The following VPS13C variants were observed in gnomAD, a reference collection of about 807,000 sequenced individuals.
The protein encoded by VPS13C is intermembrane lipid transfer protein VPS13C.
VPS13C carries 358 observed loss-of-function variants against 456.8 expected under a neutral mutation model. That is an observed-to-expected ratio of 0.78 (90% CI 0.72 to 0.86). The LOEUF is 0.86. Ranked by LOEUF, VPS13C falls within the 40% of genes least tolerant of loss-of-function variation. The pLI is 0.00. For synonymous variants in VPS13C, 1,578 were observed against 1,486.7 expected (o/e 1.06, Z -1.41); for missense variants, 4,818 against 4,385.4 (o/e 1.10, Z -2.79).
chr15:61,988,845 C>T (rs2046138403), intron 18 of VPS13C, among the ~76,000 whole-genome samples: 1 of 152,074 alleles, frequency 6.6e-6, no homozygotes, highest in African/African-American at 2.4e-5. Context: ...TGTAAGGAGA[C>T]AGCTATATGG....
intron 22 of VPS13C, among the ~76,000 whole-genome samples, chr15:61,980,044 T>G (rs1413432971): frequency 1.3e-5 from 2 of 150,832 alleles, no homozygotes; most frequent in Non-Finnish European, 3.0e-5. Context: ...ATTATCCAGG[T>G]GTGGGGGTGC....
chr15:61,992,708 A>C (rs1247890732), intron 16 of VPS13C, among the ~76,000 whole-genome samples: 4 of 152,122 alleles, frequency 2.6e-5, no homozygotes, highest in Admixed American at 1.3e-4. Context: ...GATGAAAGTA[A>C]ATGACAAATC....
intron 1 of VPS13C, among the ~76,000 whole-genome samples, chr15:62,048,806 T>G (rs2140763583): frequency 6.6e-6 from 1 of 152,330 alleles, no homozygotes; most frequent in East Asian, 1.9e-4. Context: ...CTAACTGGTG[T>G]GAGATGGTAT....
intron 62 of VPS13C, among the ~76,000 whole-genome samples, chr15:61,913,077 T>C (rs1841462061): frequency 6.6e-6 from 1 of 150,706 alleles, no homozygotes; most frequent in African/African-American, 2.4e-5. Context: ...TTTTACACTG[T>C]TGGTGGGACT....
At chr15:61,899,744 C>T (rs990630811) in intron 66 of VPS13C, among the ~76,000 whole-genome samples, 4 of 151,560 alleles carry the variant, frequency 2.6e-5, no homozygotes, top group Non-Finnish European at 4.4e-5. Context: ...AAGAGGGAAT[C>T]CTCCCTAACT....
intron 3 of VPS13C, among the ~76,000 whole-genome samples, chr15:62,039,503 A>C (rs1171813886): frequency 1.3e-5 from 2 of 152,064 alleles, no homozygotes; most frequent in Admixed American, 6.6e-5. Context: ...AACTCAAACA[A>C]CTCTATAGGA....
chr15:61,869,301 A>G (rs1399659174), intron 80 of VPS13C, among the ~76,000 whole-genome samples, 199 bp downstream of exon 80: 1 of 152,062 alleles, frequency 6.6e-6, no homozygotes, highest in Admixed American at 6.6e-5. Flanking sequence ...TATTTTTAGT[A>G]GAGATGGGGT....
At chr15:61,914,904 A>AAAAC (rs2043418909) in intron 61 of VPS13C, among the ~76,000 whole-genome samples, 2 of 146,648 alleles carry the variant, frequency 1.4e-5, no homozygotes, top group African/African-American at 2.5e-5. Flanking sequence ...AAAAAAAAAA[A>AAAAC]AAAAACCTTT....
At chr15:61,982,196 T>G (rs183016829) in intron 21 of VPS13C, among the ~76,000 whole-genome samples, 1 of 152,352 alleles carries the variant, frequency 6.6e-6, no homozygotes, top group Admixed American at 6.5e-5. Flanking sequence ...GAGGGTTGTT[T>G]TCCATCTCAA....
At chr15:61,956,118 A>G (rs1413314656) in intron 37 of VPS13C, among the ~76,000 whole-genome samples, 3 of 152,202 alleles carry the variant, frequency 2.0e-5, no homozygotes, top group Non-Finnish European at 4.4e-5. Context: ...AATGTGGTAC[A>G]TATACACCAT....
rs1032077628 is a variant in VPS13C, at chr15:61,874,737, G to A, written c.10414+139C>T. 1.2e-5 allele frequency: 8 copies of A among 684,758 alleles called. No homozygotes were observed. In the Admixed American group the frequency reaches 1.4e-4, roughly 12 times the overall value. The allele number at this position is 684,758 out of a possible 1,614,324, so 42.4% of individuals were successfully genotyped here. A position where few individuals can be genotyped will look rare whatever the true frequency, so the allele number is the denominator to read the frequency against. ...ACTGTTATTTTTCATTTAAAAACATGGGAAACATGTCTTTTAAAAGGGATT... is the reference window on the plus strand; with the variant it reads ...ACTGTTATTTTTCATTTAAAAACATAGGAAACATGTCTTTTAAAAGGGATT... On this transcript the variant is annotated intron_variant, in intron 77 of 84. Coordinates refer to ENST00000644861, the MANE Select transcript of VPS13C (RefSeq NM_020821.3).
At chr15:62,013,912 A>G in intron 10 of VPS13C, 21 bp downstream of exon 10, 1 of 1,576,910 alleles carries the variant, frequency 6.3e-7, no homozygotes. Context: ...ACTAACAAAA[A>G]TTTTTATTCC....
Position 61,961,861 on chromosome 15 carries a change from C to T in VPS13C, c.3636G>A (p.Glu1212=), listed in dbSNP as rs2045219610. The stretch of plus-strand genomic sequence containing the variant: ...CCTGGGCAGTGGCAGCACTCAGAGA[C>T]TCTTTGGCTGTCTGGAAATTATTCA... ...NFLNNFQTAK[E]SLSAATAQAA... The change falls in exon 35 of 85, where the codon GAG becomes GAA. Residue 1212 remains glutamate, a synonymous_variant. Coordinates refer to ENST00000644861, the MANE Select transcript of VPS13C (RefSeq NM_020821.3). 1.9e-6 allele frequency: 3 copies of T among 1,612,988 alleles called. No homozygotes were observed. The highest frequency in any genetic ancestry group is 1.7e-4 in the Middle Eastern group (1 of 6,046).
intron 66 of VPS13C, among the ~76,000 whole-genome samples, chr15:61,899,666 C>T (rs998884559): frequency 1.3e-4 from 20 of 150,068 alleles, no homozygotes; most frequent in African/African-American, 3.2e-4. Context: ...GATTCACAGC[C>T]GAATTCTACC....
intron 36 of VPS13C, 51 bp from the exon 37 acceptor site, chr15:61,958,767 C>T (rs951058793): frequency 1.1e-5 from 11 of 962,858 alleles, no homozygotes; most frequent in Non-Finnish European, 1.5e-5. Flanking sequence ...TAAAATGAAA[C>T]AATTTTAATA....
rs781089729 is a variant in VPS13C at position 61,945,875 on chromosome 15, G to C, written c.4988C>G (p.Ser1663Cys). 1.9e-6 allele frequency: 3 copies of C among 1,605,800 alleles called. No individual in the cohort carries two copies. ...DLQSIHKKAV[S>C]ILGDEVFRFQ... ...CCTAAAGACTTCATCTCCCAAAATA[G>C]AGACAGCCTAAAAGTATTAGATTAA... Residue 1663 changes from serine (S) to cysteine (C), a missense_variant, in exon 45 of 85, where the codon TCT becomes TGT. This residue lies in a region of VPS13C where 4,552 missense variants were observed against 4,130.6 expected (regional missense o/e 1.10). Transcript: ENST00000644861.
chr15:61,955,436 C>T lies in VPS13C; in HGVS notation c.4166-882G>A, dbSNP rs190707549. Among the ~76,000 whole-genome samples, 213 of 152,204 alleles carry T rather than the reference C, an allele frequency of 1.4e-3. 3 individuals carry two copies. The highest frequency in any genetic ancestry group is 4.7e-3 in the African/African-American group (197 of 41,536). ...ATTAAGTTAGTTATTACCATTATTG[C>T]GGTTGACATTATCTTGACCACTAAT... On this transcript the variant is annotated intron_variant, in intron 37 of 84. Coordinates refer to ENST00000644861, the MANE Select transcript of VPS13C (RefSeq NM_020821.3).
Position 61,920,580 on chromosome 15 carries a change from A to G in VPS13C, c.7130T>C (p.Met2377Thr). The G allele has an allele frequency of 1.3e-6, 2 of 1,588,930 alleles. No individual in the cohort carries two copies. Among genetic ancestry groups the G allele is most frequent in the Non-Finnish European group, 1.7e-6 (2 of 1,172,152 alleles). ...ATTTCCTGAAGAAATATGAATTGCC[A>G]TTTGTGGCTCAGGAATAAAATCATC... ...PGDDFIPEPQ[M>T]AIHISSGNTM... The change falls in exon 56 of 85, where the codon ATG (methionine) becomes ACG (threonine). Residue 2377 changes from methionine (M) to threonine (T), a missense_variant. Met to Thr is a moderately conservative substitution (Grantham distance 81). This residue lies in a region of VPS13C where 4,552 missense variants were observed against 4,130.6 expected (regional missense o/e 1.10). Transcript: ENST00000644861.
chr15:62,023,533 A>G lies in VPS13C; in HGVS notation c.515-13T>C, dbSNP rs1340593994. 7.8e-6 allele frequency: 12 copies of G among 1,534,192 alleles called. No homozygotes were observed. The highest frequency in any genetic ancestry group is 1.1e-5 in the Non-Finnish European group (12 of 1,139,538). ...TCTTTTGGCTTATCTATTAAAAAAT[A>G]GAAAAATACAAGCTCAAGAGTTGAA... On this transcript the variant is annotated splice_polypyrimidine_tract_variant and intron_variant, in intron 7 of 84. Transcript: ENST00000644861.
Sources: gnomAD v4.1 joint callset for allele counts (sites outside exome capture counted in the v4.1 genomes callset) on GRCh38, gnomAD v4.1.1 for gene constraint, gnomAD v4.1.1 regional missense constraint, MANE v1.5 for transcripts, NCBI Gene and HGNC (gene_info 2026-07-23, HGNC 2026-07-21) for gene names.